The following TNRC18 variants were observed in gnomAD, a reference collection of about 807,000 sequenced individuals.
The protein encoded by TNRC18 is trinucleotide repeat-containing gene 18 protein.
Under a neutral mutation model 226.7 loss-of-function variants are expected in TNRC18, and 69 were observed. That is an observed-to-expected ratio of 0.30 (90% confidence interval 0.25 to 0.37). The LOEUF is 0.37. Ranked by LOEUF, TNRC18 falls within the 10% of genes least tolerant of loss-of-function variation. TNRC18 has a pLI of 1.00. For missense variants in TNRC18, 4,754 were observed against 4,256.6 expected (o/e 1.12, Z -3.25); for synonymous variants, 2,449 against 1,927.6 (o/e 1.27, Z -7.09).
chr7:5,418,477 C>T (rs1009640022), intron 2 of TNRC18, among the ~76,000 whole-genome samples: 2 of 152,090 alleles, frequency 1.3e-5, no homozygotes, highest in African/African-American at 4.8e-5. Context: ...GATCTTTCTC[C>T]GAGGGCCCCT....
At chr7:5,313,921 T>C (rs1787574386) in intron 26 of TNRC18, 58 bp from the exon 27 acceptor site, 12 of 1,401,684 alleles carry the variant, frequency 8.6e-6, no homozygotes, top group Non-Finnish European at 1.1e-5. Flanking sequence ...AGATGAGCTG[T>C]GGCTTTTATC....
At chr7:5,383,605 GAAC>G (rs970567227) in intron 5 of TNRC18, among the ~76,000 whole-genome samples, 7 of 152,176 alleles carry the variant, frequency 4.6e-5, no homozygotes, top group African/African-American at 1.7e-4. Context: ...ACTGGGGCGA[GAAC>G]CCAGGAGACC....
chr7:5,386,431 G>C (rs1779794521), intron 5 of TNRC18, among the ~76,000 whole-genome samples: 1 of 151,602 alleles, frequency 6.6e-6, no homozygotes, highest in Admixed American at 6.6e-5. Flanking sequence ...ACAAAAATTA[G>C]CCAGGCATGG....
chr7:5,377,350 G>A lies in TNRC18; in HGVS notation c.2461+21C>T, dbSNP rs374763286. On this transcript the variant is annotated intron_variant, in intron 7 of 29. Coordinates refer to ENST00000430969, the MANE Select transcript of TNRC18 (RefSeq NM_001080495.3). The surrounding 1 kb of genome is among the most constrained non-coding windows in gnomAD (Gnocchi z 5.8). Reference sequence around the variant, plus strand: ...CACCCCTCCCTCAGAGAAGGGGAGAGACCCTGTGCCCCACACTCACCGTAG... The same window carrying A: ...CACCCCTCCCTCAGAGAAGGGGAGAAACCCTGTGCCCCACACTCACCGTAG... 2.1e-6 allele frequency: 3 copies of A among 1,398,116 alleles called. No individual in the cohort carries two copies. The highest frequency in any genetic ancestry group is 1.3e-5 in the South Asian group (1 of 77,064). The allele number at this position is 1,398,116 out of a possible 1,614,324, so 86.6% of individuals were successfully genotyped here.
At chr7:5,344,725 G>A (rs1366536326) in intron 18 of TNRC18, among the ~76,000 whole-genome samples, 1 of 152,144 alleles carries the variant, frequency 6.6e-6, no homozygotes, top group Non-Finnish European at 1.5e-5. Context: ...CTGGGGCCAG[G>A]GGAACTCAGA....
chr7:5,407,887 G>A (rs767524396), intron 2 of TNRC18, among the ~76,000 whole-genome samples: 25 of 152,162 alleles, frequency 1.6e-4, no homozygotes, highest in Non-Finnish European at 1.6e-4. Context: ...GAAAAAGCTA[G>A]AAGACATCAG....
intron 2 of TNRC18, among the ~76,000 whole-genome samples, chr7:5,400,858 T>TA (rs1166397317): frequency 1.3e-5 from 2 of 152,044 alleles, no homozygotes; most frequent in Non-Finnish European, 2.9e-5. Flanking sequence ...CCTGGGCTGA[T>TA]AGAGACTCTT....
chr7:5,370,714 A>C lies in TNRC18; in HGVS notation c.3880T>G (p.Ser1294Ala). ...PSESQPTLEM[S>A]DCDVPAGEGQ... The stretch of plus-strand genomic sequence containing the variant: ...TCCCCGGCGGGCACGTCACAGTCTG[A>C]CATTTCTAGGGTGGGCTGGGACTCG... Residue 1294 changes from serine to alanine, a missense_variant, in exon 11 of 30, where the codon TCA (serine) becomes GCA (alanine). Physicochemically the swap from Ser to Ala is moderately conservative, Grantham distance 99. Coordinates refer to ENST00000430969, the MANE Select transcript of TNRC18 (RefSeq NM_001080495.3). 6.2e-7 allele frequency: 1 copy of C among 1,609,420 alleles called. No homozygotes were observed. Among genetic ancestry groups the C allele is most frequent in the Non-Finnish European group, 8.5e-7 (1 of 1,178,480 alleles).
intron 20 of TNRC18, 52 bp downstream of exon 20, chr7:5,325,044 G>A (rs2128118992): frequency 6.5e-7 from 1 of 1,541,664 alleles, no homozygotes; most frequent in South Asian, 1.2e-5. Flanking sequence ...CCTGACCACA[G>A]GAGCATGGCT....
Position 5,370,522 on chromosome 7 carries a change from G to A in TNRC18, c.4072C>T (p.Pro1358Ser), listed in dbSNP as rs1316683561. Residue 1358 changes from proline (P) to serine (S), a missense_variant, in exon 11 of 30, where the codon CCC (proline) becomes TCC (serine). Physicochemically the swap from Pro to Ser is moderately conservative, Grantham distance 74. Transcript: ENST00000430969. ...TGGGCTCCAGCAGCACCCGGGGAGG[G>A]CAGAGGCCTGGCCTGGGGCAGCTCC... The part of the protein sequence containing the change: ...AAELPQARPL[P>S]SPGAAGAQAL... The A allele has an allele frequency of 6.2e-7, 1 of 1,600,992 alleles. No individual in the cohort carries two copies. The highest frequency in any genetic ancestry group is 8.5e-7 in the Non-Finnish European group (1 of 1,174,156).
At chr7:5,342,444 GAAA>G (rs1286782200) in intron 18 of TNRC18, among the ~76,000 whole-genome samples, 1 of 149,326 alleles carries the variant, frequency 6.7e-6, no homozygotes, top group East Asian at 2.0e-4. Flanking sequence ...AAAAAAAAAA[GAAA>G]AAAAGAAGTT....
In TNRC18 at chr7:5,314,966, G is replaced by C. The variant is rs778441839; in HGVS notation, c.7027+18C>G. 7 of 1,599,780 alleles carry C rather than the reference G, an allele frequency of 4.4e-6. No individual in the cohort carries two copies. The South Asian group carries it at 5.7e-5, about 13-fold the overall frequency. On this transcript the variant is annotated intron_variant, in intron 26 of 29. Coordinates refer to ENST00000430969, the MANE Select transcript of TNRC18 (RefSeq NM_001080495.3). The stretch of plus-strand genomic sequence containing the variant: ...GAGATCCGCCCACCGCCCTGCCCTG[G>C]GGACCAGGCCAACCTACCACCCTTG...
chr7:5,377,707 G>A lies in TNRC18; in HGVS notation c.2256-131C>T. 2 of 1,102,034 alleles carry A rather than the reference G, an allele frequency of 1.8e-6. No homozygotes were observed. The highest frequency in any genetic ancestry group is 2.6e-6 in the Non-Finnish European group (2 of 771,484). 68.3% of individuals were successfully genotyped at this position (1,102,034 alleles called of 1,614,324 possible). ...GGACAACCACTGCTCGGAACTGAAG[G>A]GCCTCCCGGGGCCTTCCACACTCAC... On this transcript the variant is annotated intron_variant, in intron 6 of 29. Transcript: ENST00000430969. This position sits in a 1 kb window ranked among gnomAD's most constrained non-coding sequence, Gnocchi z 5.8.
Position 5,381,890 on chromosome 7 carries a change from CG to C in TNRC18, c.2153-3867del, listed in dbSNP as rs534886089. ...CTGAGGCAGGAGAATCACTTGAACCCGGGAGGCGGAGGTTGCAGTGAGCCAA... is the reference window on the plus strand; with the variant it reads ...CTGAGGCAGGAGAATCACTTGAACCCGGAGGCGGAGGTTGCAGTGAGCCAA... On this transcript the variant is annotated intron_variant, in intron 5 of 29. Coordinates refer to ENST00000430969, the MANE Select transcript of TNRC18 (RefSeq NM_001080495.3). Among the ~76,000 whole-genome samples the C allele has an allele frequency of 2.4e-3, 366 of 152,080 alleles. 2 individuals carry two copies. The highest frequency in any genetic ancestry group is 8.4e-3 in the African/African-American group (349 of 41,470).
rs1432690504 is a variant in TNRC18, at chr7:5,321,168, G to C, written c.6465C>G (p.Asp2155Glu). 2.6e-6 allele frequency: 4 copies of C among 1,551,734 alleles called. No homozygotes were observed. Among genetic ancestry groups the C allele is most frequent in the Non-Finnish European group, 3.5e-6 (4 of 1,148,398 alleles). Residue 2155 changes from aspartate (D) to glutamate (E), a missense_variant, in exon 22 of 30, where the codon GAC becomes GAG. Asp to Glu is a conservative substitution (Grantham distance 45). Coordinates refer to ENST00000430969, the MANE Select transcript of TNRC18 (RefSeq NM_001080495.3). ...GCAGGCCGTCCTTCAGCTCATCCTT[G>C]TCGATGATGCAGGAGCGAGGGGCTG... is the stretch of plus-strand genomic sequence containing the variant. ...LTPAPRSCIIDKDELKDGLRV... is the reference protein window; with the variant it reads ...LTPAPRSCIIEKDELKDGLRV...
At chr7:5,363,292 G>C (rs1437280727) in intron 11 of TNRC18, among the ~76,000 whole-genome samples, 1 of 147,666 alleles carries the variant, frequency 6.8e-6, no homozygotes, top group Non-Finnish European at 1.5e-5. Flanking sequence ...AACAGAGCAA[G>C]ACTCCATCTC....
At chr7:5,313,996 C>T (rs1051363428) in intron 26 of TNRC18, 133 bp from the exon 27 acceptor site, 4 of 1,017,306 alleles carry the variant, frequency 3.9e-6, no homozygotes, top group Admixed American at 3.7e-5. Flanking sequence ...GGGTCTCAGT[C>T]ACCCAAGCTG....
intron 2 of TNRC18, among the ~76,000 whole-genome samples, chr7:5,403,641 A>C (rs1781263154): frequency 6.6e-6 from 1 of 152,060 alleles, no homozygotes; most frequent in African/African-American, 2.4e-5. Flanking sequence ...AAAATTAAAA[A>C]ATTAGCCAGG....
chr7:5,383,952 G>C (rs1020706679), intron 5 of TNRC18, among the ~76,000 whole-genome samples: 1 of 139,356 alleles, frequency 7.2e-6, no homozygotes, highest in Non-Finnish European at 1.5e-5. Flanking sequence ...CAGCATACCC[G>C]GGTGATTTTT....
Sources: allele counts gnomAD v4.1 joint callset (sites outside exome capture counted in the v4.1 genomes callset), GRCh38; gene constraint gnomAD v4.1.1; non-coding constraint Gnocchi (gnomAD v3.1); transcripts MANE v1.5; gene names NCBI Gene and HGNC (gene_info 2026-07-23, HGNC 2026-07-21).